SDK1: variants seen among roughly 807,000 people sequenced by gnomAD.
The protein encoded by SDK1 is protein sidekick-1.
In SDK1, 157 loss-of-function variants were observed where a neutral mutation model predicts 245.5. The observed-to-expected ratio is 0.64, with a 90% CI of 0.56 to 0.73. The LOEUF (loss-of-function observed/expected upper bound fraction) is 0.73. SDK1 is among the 30% of genes least tolerant of loss of function. The probability of loss-of-function intolerance (pLI) is 0.00; values close to 1 mark genes in which losing one functional copy is unlikely to be tolerated. For missense variants in SDK1, 3,583 were observed against 3,002.3 expected, an observed-to-expected ratio of 1.19 and a Z score of -4.52; for synonymous variants, 1,647 against 1,278.5, an observed-to-expected ratio of 1.29 and a Z score of -6.15.
intron 1 of SDK1, among the ~76,000 whole-genome samples, chr7:3,446,347 G>A (rs190051908): frequency 1.1e-4 from 16 of 152,162 alleles, no homozygotes; most frequent in Admixed American, 2.6e-4. Flanking sequence ...TTTGAGTTAA[G>A]GTATGAACCA....
chr7:3,401,689 A>AT (rs761655504), intron 1 of SDK1, among the ~76,000 whole-genome samples: 3,632 of 146,230 alleles, frequency 0.025, 50 homozygotes, highest in Middle Eastern at 0.06. Context: ...TCTGAGCCTT[A>AT]TTTTTTTTTT....
chr7:3,707,967 T>C (rs1469510064), intron 4 of SDK1, among the ~76,000 whole-genome samples: 1 of 152,230 alleles, frequency 6.6e-6, no homozygotes, highest in African/African-American at 2.4e-5. Context: ...GTCTCATTGC[T>C]ATAAAGAAAT....
At chr7:3,941,345 T>C (rs1780361502) in intron 5 of SDK1, among the ~76,000 whole-genome samples, 2 of 152,114 alleles carry the variant, frequency 1.3e-5, no homozygotes, top group Admixed American at 1.3e-4. Context: ...AGCCTGGCCA[T>C]GGCTTTCCTC....
intron 4 of SDK1, among the ~76,000 whole-genome samples, chr7:3,647,057 T>C (rs933039479): frequency 6.6e-6 from 1 of 152,162 alleles, no homozygotes; most frequent in African/African-American, 2.4e-5. Flanking sequence ...GTGAATGCAC[T>C]TAATGCCACT....
At chr7:3,918,469 G>T (rs947381772) in intron 5 of SDK1, among the ~76,000 whole-genome samples, 1 of 152,196 alleles carries the variant, frequency 6.6e-6, no homozygotes, top group Non-Finnish European at 1.5e-5. Flanking sequence ...TCTAATGCCT[G>T]ATGATCTGTC....
At chr7:3,599,246 G>A (rs1454090624) in intron 1 of SDK1, among the ~76,000 whole-genome samples, 2 of 152,012 alleles carry the variant, frequency 1.3e-5, no homozygotes, top group East Asian at 3.9e-4. Flanking sequence ...CTTTTCATGT[G>A]CTGATTTGCC....
Position 4,145,876 on chromosome 7 carries a change from G to A in SDK1, c.4383G>A (p.Gly1461=), listed in dbSNP as rs1367788736. ...CCGCCAAGACGAGGCAGGGCTGGGG[G>A]GAGCCACTGGAGGCCACCGTCATCA... is the stretch of plus-strand genomic sequence containing the variant. ...RLSAKTRQGW[G]EPLEATVITT... The change falls in exon 29 of 45, where the codon GGG becomes GGA. Residue 1461 remains glycine (G), a synonymous_variant. Coordinates refer to ENST00000404826, the MANE Select transcript of SDK1 (RefSeq NM_152744.4). The A allele has an allele frequency of 1.9e-6, 3 of 1,612,942 alleles. No individual in the cohort carries two copies. Among genetic ancestry groups the A allele is most frequent in the Non-Finnish European group, 1.7e-6 (2 of 1,179,562 alleles).
At chr7:3,401,007 C>T (rs1466662880) in intron 1 of SDK1, among the ~76,000 whole-genome samples, 9 of 152,124 alleles carry the variant, frequency 5.9e-5, no homozygotes, top group Non-Finnish European at 1.0e-4. Flanking sequence ...AGTGCCAGTT[C>T]GAGATGAGTA....
chr7:3,632,878 G>A (rs1275862830), intron 2 of SDK1, among the ~76,000 whole-genome samples: 1 of 152,042 alleles, frequency 6.6e-6, no homozygotes, highest in African/African-American at 2.4e-5. Flanking sequence ...GGCACAGTCT[G>A]GGTTTTTCAT....
intron 4 of SDK1, among the ~76,000 whole-genome samples, chr7:3,716,835 AG>A (rs1411622119): frequency 2.6e-5 from 4 of 152,092 alleles, no homozygotes; most frequent in Admixed American, 6.5e-5. Context: ...TTGCTATAAT[AG>A]TTAAATGAGG....
At chr7:3,304,517 G>C (rs941124247) in intron 1 of SDK1, among the ~76,000 whole-genome samples, 10 of 152,174 alleles carry the variant, frequency 6.6e-5, no homozygotes, top group African/African-American at 2.4e-4. Context: ...GGCCTAGAAA[G>C]GATAGGAATG....
At chr7:3,784,623 A>T (rs1253785134) in intron 4 of SDK1, among the ~76,000 whole-genome samples, 2 of 152,208 alleles carry the variant, frequency 1.3e-5, no homozygotes, top group African/African-American at 4.8e-5. Context: ...GTCACATCAG[A>T]AATCACTAAG....
chr7:3,969,063 C>A (rs986719064), intron 10 of SDK1, among the ~76,000 whole-genome samples, 194 bp from the exon 11 acceptor site: 8 of 152,182 alleles, frequency 5.3e-5, no homozygotes, highest in African/African-American at 1.4e-4. Context: ...AGGAGAACAT[C>A]ACGGGGGAAC....
At chr7:3,594,464 A>G (rs1024588726) in intron 1 of SDK1, among the ~76,000 whole-genome samples, 1 of 152,196 alleles carries the variant, frequency 6.6e-6, no homozygotes, top group Non-Finnish European at 1.5e-5. Flanking sequence ...TCTTGAGTAT[A>G]TACCTAAGGA....
intron 1 of SDK1, among the ~76,000 whole-genome samples, chr7:3,470,116 G>C (rs2128598122): frequency 6.6e-6 from 1 of 152,172 alleles, no homozygotes; most frequent in East Asian, 1.9e-4. Context: ...AGCCTTTTTG[G>C]GGCTTAGCAT....
At chr7:3,558,341 T>G (rs1779651577) in intron 1 of SDK1, among the ~76,000 whole-genome samples, 1 of 152,258 alleles carries the variant, frequency 6.6e-6, no homozygotes, top group South Asian at 2.1e-4. Flanking sequence ...TCATACTTTC[T>G]TCTCCCTGGA....
chr7:3,434,912 A>T (rs1359990269), intron 1 of SDK1, among the ~76,000 whole-genome samples: 2 of 152,166 alleles, frequency 1.3e-5, no homozygotes, highest in Non-Finnish European at 1.5e-5. Flanking sequence ...TGTTTATTTC[A>T]TGTTTTCTCA....
At chr7:3,427,244 G>C (rs774218310) in intron 1 of SDK1, among the ~76,000 whole-genome samples, 2 of 152,182 alleles carry the variant, frequency 1.3e-5, no homozygotes, top group Non-Finnish European at 2.9e-5. Context: ...TAAAACATTA[G>C]ATGAAAGGCT....
chr7:3,655,827 G>A (rs991246810), intron 4 of SDK1, among the ~76,000 whole-genome samples: 2 of 151,992 alleles, frequency 1.3e-5, no homozygotes, highest in Non-Finnish European at 2.9e-5. Flanking sequence ...GCCCTGCCAC[G>A]TGGTCGCTGT....
Sources: allele counts gnomAD v4.1 joint callset (sites outside exome capture counted in the v4.1 genomes callset), GRCh38; gene constraint gnomAD v4.1.1; transcripts MANE v1.5; gene names NCBI Gene and HGNC (gene_info 2026-07-23, HGNC 2026-07-21).